GNL3L: variants seen among roughly 807,000 people sequenced by gnomAD.
GNL3L encodes the protein guanine nucleotide-binding protein-like 3-like protein.
In GNL3L, 4 loss-of-function variants were observed where a neutral mutation model predicts 42.9. The ratio of observed to expected loss-of-function variants is 0.09; its 90% CI spans 0.05 to 0.21. The LOEUF is 0.21. GNL3L is among the 10% of genes least tolerant of loss of function. The probability of loss-of-function intolerance (pLI) is 1.00; values close to 1 mark genes in which losing one functional copy is unlikely to be tolerated. For synonymous variants in GNL3L, 159 were observed against 176.3 expected (o/e 0.90, Z 0.78); for missense variants, 412 against 481.7 (o/e 0.86, Z 1.36).
the GNL3L span, among the ~76,000 whole-genome samples, chrX:54,644,249 T>C: frequency 8.9e-6 from 1 of 112,144 alleles, no homozygotes; most frequent in Non-Finnish European, 1.9e-5. Context: ...ACAAACATTC[T>C]CCTTTCTCAG....
downstream of GNL3L, among the ~76,000 whole-genome samples, chrX:54,626,082 G>A (rs968014497): frequency 9.0e-6 from 1 of 111,197 alleles, no homozygotes; most frequent in Non-Finnish European, 1.9e-5. Context: ...ACAATAAATT[G>A]TAGTTTAACC....
At chrX:54,544,434 G>A in intron 8 of GNL3L, 108 bp downstream of exon 8, 1 of 436,557 alleles carries the variant, frequency 2.3e-6, no homozygotes, top group South Asian at 3.8e-5. Context: ...AATTGAACTG[G>A]GCCTTCAACT....
downstream of GNL3L, among the ~76,000 whole-genome samples, chrX:54,625,932 T>C (rs1184316874): frequency 1.8e-5 from 2 of 111,296 alleles, no homozygotes; most frequent in Admixed American, 1.9e-4. Flanking sequence ...ATTATACATA[T>C]TTATGGGATA....
chrX:54,615,217 G>A (rs4422902), intron 16 of GNL3L, among the ~76,000 whole-genome samples: 3,700 of 111,950 alleles, frequency 0.033, 72 homozygotes, highest in East Asian at 0.12. Flanking sequence ...TAATGATTTT[G>A]TGGCTCATCC....
At chrX:54,549,631 G>GGAGGTTACAGTGAGTT (rs1359783918) in intron 9 of GNL3L, among the ~76,000 whole-genome samples, 21 of 112,563 alleles carry the variant, frequency 1.9e-4, no homozygotes, top group Admixed American at 1.0e-3. Context: ...TCTGGGAGGT[G>GGAGGTTACAGTGAGTT]GAGGTTACAG....
chrX:54,554,249 C>T (rs969570657), intron 13 of GNL3L, among the ~76,000 whole-genome samples: 2 of 111,267 alleles, frequency 1.8e-5, no homozygotes, highest in African/African-American at 6.5e-5. Context: ...CTGCCATTTA[C>T]AGAGCAGCAT....
Position 54,564,269 on chromosome X carries a change from T to C in GNL3L, c.*3667T>C, listed in dbSNP as rs758321282. Among the ~76,000 whole-genome samples, 26 of 111,123 alleles carry C rather than the reference T, an allele frequency of 2.3e-4. No homozygotes were observed. The highest frequency in any genetic ancestry group is 4.1e-4 in the Non-Finnish European group (22 of 53,069). On this transcript the variant is annotated 3_prime_UTR_variant, in exon 16 of 16. Coordinates refer to ENST00000360845, the MANE Select transcript of GNL3L (RefSeq NM_001184819.2). Reference sequence around the variant, plus strand: ...GCTCTGATAAATGTGTAGAGTTGTGTAACCACCAATGCAACCAAGGTACAG... The same window carrying C: ...GCTCTGATAAATGTGTAGAGTTGTGCAACCACCAATGCAACCAAGGTACAG...
At chrX:54,560,127 G>A (rs915870242) in intron 15 of GNL3L, among the ~76,000 whole-genome samples, 2 of 111,139 alleles carry the variant, frequency 1.8e-5, no homozygotes, top group East Asian at 2.8e-4. Context: ...GGAGGTGTGC[G>A]TGGTGAACGT....
At chrX:54,541,680 C>T (rs1448087570) in intron 5 of GNL3L, among the ~76,000 whole-genome samples, 1 of 109,817 alleles carries the variant, frequency 9.1e-6, no homozygotes, top group Non-Finnish European at 1.9e-5. Context: ...TTACATGTGA[C>T]CAGGGGATGG....
chrX:54,605,762 C>G (rs1181380346), intron 16 of GNL3L, among the ~76,000 whole-genome samples: 1 of 111,293 alleles, frequency 9.0e-6, no homozygotes, highest in African/African-American at 3.3e-5. Flanking sequence ...TCGCGTTCTT[C>G]TCTTTAACTG....
chrX:54,595,500 A>C (rs1925920583), intron 16 of GNL3L, among the ~76,000 whole-genome samples: 1 of 111,222 alleles, frequency 9.0e-6, no homozygotes, highest in South Asian at 3.7e-4. Context: ...TGGTTATTAA[A>C]TGTTGTGAGG....
chrX:54,554,316 G>A (rs1171631633), intron 13 of GNL3L, among the ~76,000 whole-genome samples: 1 of 111,693 alleles, frequency 9.0e-6, no homozygotes, highest in Non-Finnish European at 1.9e-5. Context: ...AGTGTGAAGA[G>A]GGCTTGTGGA....
chrX:54,644,405 T>C, the GNL3L span, among the ~76,000 whole-genome samples: 3 of 112,421 alleles, frequency 2.7e-5, no homozygotes, highest in Non-Finnish European at 3.8e-5. Flanking sequence ...GTTTCAGTTT[T>C]ACAGTTAAAT....
chrX:54,534,068 T>C (rs1324508715), intron 2 of GNL3L, among the ~76,000 whole-genome samples: 1 of 107,248 alleles, frequency 9.3e-6, no homozygotes, highest in Non-Finnish European at 1.9e-5. Context: ...TCAATAGAGA[T>C]GAGGGTCTTT....
intron 9 of GNL3L, among the ~76,000 whole-genome samples, chrX:54,550,449 C>T (rs1379109074): frequency 9.0e-6 from 1 of 111,018 alleles, no homozygotes; most frequent in Admixed American, 9.6e-5. Flanking sequence ...AGAAAGAGAA[C>T]GGTGAGAATG....
intron 14 of GNL3L, among the ~76,000 whole-genome samples, chrX:54,557,937 G>A (rs1925145850): frequency 9.1e-6 from 1 of 110,111 alleles, no homozygotes; most frequent in African/African-American, 3.3e-5. Flanking sequence ...AGGCTGGAGT[G>A]CAGTGGTGCG....
intron 16 of GNL3L, among the ~76,000 whole-genome samples, chrX:54,573,440 G>T (rs1925587651): frequency 1.8e-5 from 2 of 112,058 alleles, no homozygotes; most frequent in African/African-American, 6.5e-5. Context: ...AGGTTGCAGT[G>T]AGCCGAGATG....
intron 16 of GNL3L, among the ~76,000 whole-genome samples, chrX:54,592,491 C>T (rs1408514732): frequency 9.0e-6 from 1 of 111,473 alleles, no homozygotes; most frequent in Non-Finnish European, 1.9e-5. Flanking sequence ...TCCTTCTATA[C>T]CCAATTTTGT....
the GNL3L span, among the ~76,000 whole-genome samples, chrX:54,633,010 C>T: frequency 4.5e-5 from 5 of 110,995 alleles, no homozygotes; most frequent in Non-Finnish European, 9.4e-5. Context: ...TTCCTGAGAG[C>T]GAGAGTGCAG....
Sources: allele counts gnomAD v4.1 joint callset (sites outside exome capture counted in the v4.1 genomes callset), GRCh38; gene constraint gnomAD v4.1.1; transcripts MANE v1.5; gene names NCBI Gene and HGNC (gene_info 2026-07-23, HGNC 2026-07-21).